The following PACS1 variants were observed in gnomAD, a reference collection of about 807,000 sequenced individuals.
PACS1 encodes PACS-1.
PACS1 carries 24 observed loss-of-function variants against 115.0 expected under a neutral mutation model. The ratio of observed to expected loss-of-function variants is 0.21; its 90% CI spans 0.15 to 0.29. The LOEUF (loss-of-function observed/expected upper bound fraction) is 0.29. Ranked by LOEUF, PACS1 falls within the 10% of genes least tolerant of loss-of-function variation. The pLI is 1.00. For missense variants in PACS1, 838 were observed against 1,251.2 expected, an observed-to-expected ratio of 0.67 and a Z score of 4.98; for synonymous variants, 453 against 504.5, an observed-to-expected ratio of 0.90 and a Z score of 1.37.
intron 1 of PACS1, among the ~76,000 whole-genome samples, chr11:66,085,408 G>T (rs969758616): frequency 6.6e-6 from 1 of 152,090 alleles, no homozygotes. Context: ...TAAAGGCAAA[G>T]GACTCAGAGT....
chr11:66,152,526 G>A (rs1179051346), intron 1 of PACS1, among the ~76,000 whole-genome samples: 1 of 152,232 alleles, frequency 6.6e-6, no homozygotes, highest in Non-Finnish European at 1.5e-5. Context: ...AAGAAGTTCA[G>A]TGGAGTCTGA....
chr11:66,200,478 C>CAA (rs779225242), intron 2 of PACS1, among the ~76,000 whole-genome samples: 27 of 138,134 alleles, frequency 2.0e-4, no homozygotes, highest in Admixed American at 1.5e-3. Context: ...TGGAAACAAA[C>CAA]AAAAAAAAAA....
At chr11:66,132,322 T>C (rs532796827) in intron 1 of PACS1, among the ~76,000 whole-genome samples, 1 of 152,274 alleles carries the variant, frequency 6.6e-6, no homozygotes, top group African/African-American at 2.4e-5. Context: ...GATTGTGAGT[T>C]TCCTGAGGCC....
chr11:66,189,543 T>C (rs1324290309), intron 1 of PACS1, among the ~76,000 whole-genome samples: 1 of 152,222 alleles, frequency 6.6e-6, no homozygotes, highest in Non-Finnish European at 1.5e-5. Context: ...CGTGATTGTT[T>C]GCTTTTCCCG....
At chr11:66,205,655 T>C (rs1590817897) in intron 2 of PACS1, among the ~76,000 whole-genome samples, 1 of 150,196 alleles carries the variant, frequency 6.7e-6, no homozygotes, top group South Asian at 2.1e-4. Context: ...TACAATACTC[T>C]TAATTTTTTT....
At chr11:66,210,015 G>C (rs941470966) in intron 2 of PACS1, among the ~76,000 whole-genome samples, 1 of 151,660 alleles carries the variant, frequency 6.6e-6, no homozygotes, top group African/African-American at 2.4e-5. Flanking sequence ...AGCTTTGACA[G>C]ATTTTTTTTT....
At chr11:66,076,805 C>T (rs762176054) in intron 1 of PACS1, among the ~76,000 whole-genome samples, 2 of 152,140 alleles carry the variant, frequency 1.3e-5, no homozygotes, top group Non-Finnish European at 2.9e-5. Context: ...CCGGAAATTC[C>T]GTGGGAATCT....
chr11:66,213,036 A>G (rs1855114047), intron 4 of PACS1, among the ~76,000 whole-genome samples: 1 of 152,050 alleles, frequency 6.6e-6, no homozygotes, highest in African/African-American at 2.4e-5. Context: ...TATTTTTAGT[A>G]GAGATGGGGT....
Position 66,233,120 on chromosome 11 carries a change from C to A in PACS1, c.1838+54C>A. ...CCTTAGAGATTCCCTCTGACCTCAT[C>A]TTCCAACCCTGACTTCTAAGCAATG... On this transcript the variant is annotated intron_variant, in intron 15 of 23. Coordinates refer to ENST00000320580, the MANE Select transcript of PACS1 (RefSeq NM_018026.4). The surrounding 1 kb of genome is among the most constrained non-coding windows in gnomAD (Gnocchi z 4.5). 1 of 1,312,484 alleles carries A rather than the reference C, an allele frequency of 7.6e-7. No individual in the cohort carries two copies. The highest frequency in any genetic ancestry group is 1.1e-6 in the Non-Finnish European group (1 of 919,974). 81.3% of individuals were successfully genotyped at this position (1,312,484 alleles called of 1,614,324 possible). A position where few individuals can be genotyped will look rare whatever the true frequency, so the allele number is the denominator to read the frequency against.
At chr11:66,210,495 G>T in intron 3 of PACS1, 44 bp downstream of exon 3, 1 of 1,350,228 alleles carries the variant, frequency 7.4e-7, no homozygotes, top group Non-Finnish European at 1.1e-6. Flanking sequence ...CTATATCCTG[G>T]CTAGTCCCCA....
At chr11:66,174,164 C>T (rs748876385) in intron 1 of PACS1, among the ~76,000 whole-genome samples, 8 of 151,844 alleles carry the variant, frequency 5.3e-5, no homozygotes, top group Admixed American at 6.6e-5. Context: ...AAATTAGTCA[C>T]GAGGGAAATC....
intron 1 of PACS1, among the ~76,000 whole-genome samples, chr11:66,074,646 A>T (rs989602742): frequency 2.0e-5 from 3 of 152,180 alleles, no homozygotes; most frequent in African/African-American, 7.2e-5. Flanking sequence ...ATGTGAACTT[A>T]GGGTAGGAGT....
At chr11:66,194,526 G>A (rs1162424261) in intron 2 of PACS1, among the ~76,000 whole-genome samples, 2 of 152,176 alleles carry the variant, frequency 1.3e-5, no homozygotes, top group East Asian at 3.9e-4. Context: ...CCAAGCGACA[G>A]AACTTGGACC....
At chr11:66,158,247 G>A (rs181233719) in intron 1 of PACS1, among the ~76,000 whole-genome samples, 2 of 152,324 alleles carry the variant, frequency 1.3e-5, no homozygotes, top group East Asian at 1.9e-4. Context: ...GGGACTACAC[G>A]TGTGAGCCAC....
chr11:66,199,510 A>T (rs1854726837), intron 2 of PACS1, among the ~76,000 whole-genome samples: 1 of 152,142 alleles, frequency 6.6e-6, no homozygotes, highest in South Asian at 2.1e-4. Flanking sequence ...GATACACAAA[A>T]AATAAAAAGC....
Position 66,070,645 on chromosome 11 carries a change from C to T in PACS1, c.159C>T (p.Ala53=). The change falls in exon 1 of 24, where the codon GCC becomes GCT. Residue 53 remains alanine (A), a synonymous_variant. Coordinates refer to ENST00000320580, the MANE Select transcript of PACS1 (RefSeq NM_018026.4). The surrounding 1 kb of genome is among the most constrained non-coding windows in gnomAD (Gnocchi z 5.9). ...CGACGCCCCCCAAGCTGGCCCAGGC[C>T]ACCTCGTCGTCCTCGTCCACCTCGG... ...QQPTPPKLAQ[A]TSSSSSTSAA... The T allele has an allele frequency of 1.3e-6, 2 of 1,560,476 alleles. No homozygotes were observed. Among genetic ancestry groups the T allele is most frequent in the Non-Finnish European group, 1.7e-6 (2 of 1,159,634 alleles).
intron 7 of PACS1, chr11:66,219,476 C>A (rs1200153796): frequency 5.0e-6 from 3 of 594,178 alleles, no homozygotes; most frequent in Non-Finnish European, 9.4e-6. Flanking sequence ...AGCTGGAGAC[C>A]CACATTTGGG....
intron 1 of PACS1, among the ~76,000 whole-genome samples, chr11:66,072,735 G>A (rs1426701835): frequency 6.6e-6 from 1 of 152,186 alleles, no homozygotes; most frequent in Non-Finnish European, 1.5e-5. Context: ...TAGAAACACT[G>A]TGTTCCTTCC....
chr11:66,070,692 C>G lies in PACS1; in HGVS notation c.206C>G (p.Ser69Cys). 1.3e-6 allele frequency: 2 copies of G among 1,579,726 alleles called. No individual in the cohort carries two copies. Among genetic ancestry groups the G allele is most frequent in the Non-Finnish European group, 1.7e-6 (2 of 1,170,560 alleles). ...STSAAAASSS[S>C]SSTSTSMAVA... The stretch of plus-strand genomic sequence containing the variant: ...TCGGCGGCGGCTGCCTCCTCCTCGT[C>G]CTCGTCTACCTCCACCTCCATGGCC... Residue 69 changes from serine (S) to cysteine (C), a missense_variant, in exon 1 of 24, where the codon TCC becomes TGC. Physicochemically the swap from Ser to Cys is moderately radical, Grantham distance 112 (BLOSUM62 -1). Transcript: ENST00000320580. This position sits in a 1 kb window ranked among gnomAD's most constrained non-coding sequence, Gnocchi z 5.9.
Sources: gnomAD v4.1 joint callset for allele counts (sites outside exome capture counted in the v4.1 genomes callset) on GRCh38, gnomAD v4.1.1 for gene constraint, Gnocchi (gnomAD v3.1) non-coding constraint, MANE v1.5 for transcripts, NCBI Gene and HGNC (gene_info 2026-07-23, HGNC 2026-07-21) for gene names.